ELMO1: variants seen among roughly 807,000 people sequenced by gnomAD.
ELMO1 encodes engulfment and cell motility protein 1.
In ELMO1, 26 loss-of-function variants were observed where a neutral mutation model predicts 98.9. The ratio of observed to expected loss-of-function variants is 0.26; its 90% confidence interval spans 0.19 to 0.36. The LOEUF is 0.36. Ranked by LOEUF, ELMO1 falls within the 10% of genes least tolerant of loss-of-function variation. The pLI is 1.00. For synonymous variants in ELMO1, 346 were observed against 346.0 expected (o/e 1.00, Z 0.00); for missense variants, 627 against 935.2 (o/e 0.67, Z 4.30).
chr7:37,167,029 G>C (rs916397736), intron 13 of ELMO1, among the ~76,000 whole-genome samples: 2 of 151,982 alleles, frequency 1.3e-5, no homozygotes, highest in African/African-American at 4.8e-5. Context: ...CTCCTGTATT[G>C]GGTGCATATA....
In ELMO1 at chr7:37,342,871, C is replaced by A; in HGVS notation, c.-73-108G>T. 1.7e-6 allele frequency: 1 copy of A among 573,724 alleles called. No homozygotes were observed. The allele number at this position is 573,724 out of a possible 1,614,324, so 35.5% of individuals were successfully genotyped here. A position where few individuals can be genotyped will look rare whatever the true frequency, so the allele number is the denominator to read the frequency against. Reference sequence around the variant, plus strand: ...ACTGGTGGTTTGGTATGAAAAACGGCTCCCCTTGGTGCCTGGGTGCTGAAG... The same window carrying A: ...ACTGGTGGTTTGGTATGAAAAACGGATCCCCTTGGTGCCTGGGTGCTGAAG... On this transcript the variant is annotated intron_variant, in intron 1 of 21. Coordinates refer to ENST00000310758, the MANE Select transcript of ELMO1 (RefSeq NM_014800.11). This position sits in a 1 kb window ranked among gnomAD's most constrained non-coding sequence, Gnocchi z 4.3.
intron 14 of ELMO1, among the ~76,000 whole-genome samples, chr7:37,119,839 A>C (rs1383481866): frequency 6.6e-6 from 1 of 152,214 alleles, no homozygotes; most frequent in Non-Finnish European, 1.5e-5. Context: ...TATCTTCTAT[A>C]ACAGTCAGCC....
At chr7:37,384,063 C>A (rs1026238560) in intron 1 of ELMO1, among the ~76,000 whole-genome samples, 1 of 152,176 alleles carries the variant, frequency 6.6e-6, no homozygotes, top group Non-Finnish European at 1.5e-5. Context: ...GATCCACCCA[C>A]CTCGGCCTCC....
intron 1 of ELMO1, among the ~76,000 whole-genome samples, chr7:37,346,802 T>C (rs1186786688): frequency 6.6e-6 from 1 of 152,152 alleles, no homozygotes; most frequent in Non-Finnish European, 1.5e-5. Context: ...TGTCTAGAAT[T>C]ACAGCAAAAA....
chr7:37,442,119 T>A (rs1286643108), intron 1 of ELMO1, among the ~76,000 whole-genome samples: 1 of 152,176 alleles, frequency 6.6e-6, no homozygotes, highest in African/African-American at 2.4e-5. Flanking sequence ...ACTAATGTAC[T>A]GGCATTAGTG....
intron 5 of ELMO1, among the ~76,000 whole-genome samples, chr7:37,264,786 C>G (rs1310906983): frequency 6.6e-6 from 1 of 152,142 alleles, no homozygotes; most frequent in African/African-American, 2.4e-5. Context: ...GCCGTGGGCA[C>G]AGGAAAGGGT....
chr7:36,999,455 T>G (rs1266800951), intron 16 of ELMO1, among the ~76,000 whole-genome samples: 1 of 152,190 alleles, frequency 6.6e-6, no homozygotes, highest in Non-Finnish European at 1.5e-5. Flanking sequence ...GCAATTAACC[T>G]GCTCAAGCTC....
intron 16 of ELMO1, among the ~76,000 whole-genome samples, chr7:36,927,289 AC>A (rs1475556656): frequency 6.6e-6 from 1 of 152,234 alleles, no homozygotes; most frequent in East Asian, 1.9e-4. Context: ...AGTTTAATGA[AC>A]AAGGAAGAAT....
chr7:36,923,672 C>T (rs1456079049), intron 16 of ELMO1, among the ~76,000 whole-genome samples: 2 of 152,140 alleles, frequency 1.3e-5, no homozygotes, highest in African/African-American at 4.8e-5. Flanking sequence ...TTAATCCATT[C>T]AATTTCATTC....
At chr7:37,036,299 G>C (rs1305403326) in intron 15 of ELMO1, among the ~76,000 whole-genome samples, 1 of 152,000 alleles carries the variant, frequency 6.6e-6, no homozygotes, top group Non-Finnish European at 1.5e-5. Context: ...GGCAGCCCTA[G>C]CAAACTCATG....
At chr7:37,236,127 C>G (rs1794447143) in intron 7 of ELMO1, among the ~76,000 whole-genome samples, 1 of 152,116 alleles carries the variant, frequency 6.6e-6, no homozygotes, top group South Asian at 2.1e-4. Flanking sequence ...CAATAGAGCC[C>G]TAATCCAAAT....
At chr7:37,239,928 C>A (rs972258771) in intron 7 of ELMO1, among the ~76,000 whole-genome samples, 8 of 152,208 alleles carry the variant, frequency 5.3e-5, no homozygotes, top group Admixed American at 2.0e-4. Flanking sequence ...GGCTGACTAG[C>A]AAGTTCTTCC....
In ELMO1 at chr7:37,345,987, T is replaced by TA. The variant is rs554672695; in HGVS notation, c.-73-3225dup. Among the ~76,000 whole-genome samples, 412 of 114,448 alleles carry TA rather than the reference T, an allele frequency of 3.6e-3. 1 individual carries two copies. Among genetic ancestry groups the TA allele is most frequent in the East Asian group, 0.011 (46 of 4,118 alleles). The allele number at this position is 114,448 out of a possible 152,430, so 75.1% of individuals were successfully genotyped here. The stretch of plus-strand genomic sequence containing the variant: ...CTGGGCAACAGAGCAAGACTCCATC[T>TA]AAAAAAAAAAAAAAAAAAAGACATC... On this transcript the variant is annotated intron_variant, in intron 1 of 21. Transcript: ENST00000310758.
At chr7:37,438,209 C>T (rs1477184654) in intron 1 of ELMO1, among the ~76,000 whole-genome samples, 2 of 152,006 alleles carry the variant, frequency 1.3e-5, no homozygotes, top group Admixed American at 6.5e-5. Flanking sequence ...GAGCAGTTAC[C>T]TAGGTCACTT....
At chr7:37,174,503 T>A (rs1051090578) in intron 13 of ELMO1, among the ~76,000 whole-genome samples, 1 of 152,174 alleles carries the variant, frequency 6.6e-6, no homozygotes, top group African/African-American at 2.4e-5. Context: ...CCTGGACACA[T>A]CAGCATGAAG....
intron 14 of ELMO1, among the ~76,000 whole-genome samples, chr7:37,114,494 T>A (rs1563010203): frequency 1.3e-5 from 2 of 152,184 alleles, no homozygotes. Flanking sequence ...CCAGAGACTT[T>A]AGTCACTGGG....
intron 1 of ELMO1, among the ~76,000 whole-genome samples, chr7:37,396,109 T>C (rs1472473349): frequency 6.6e-6 from 1 of 151,920 alleles, no homozygotes; most frequent in Non-Finnish European, 1.5e-5. Flanking sequence ...TGGACCTTGA[T>C]TCAGATAAAC....
At chr7:37,249,347 G>A (rs1795192730) in intron 6 of ELMO1, among the ~76,000 whole-genome samples, 1 of 152,194 alleles carries the variant, frequency 6.6e-6, no homozygotes, top group Admixed American at 6.5e-5. Context: ...TCATATGTAT[G>A]ACAGAGTGGG....
chr7:37,369,249 G>A (rs1791094762), intron 1 of ELMO1, among the ~76,000 whole-genome samples: 1 of 152,122 alleles, frequency 6.6e-6, no homozygotes, highest in Non-Finnish European at 1.5e-5. Flanking sequence ...TCCCTCATCT[G>A]AAATACTTGG....
Sources: allele counts gnomAD v4.1 joint callset (sites outside exome capture counted in the v4.1 genomes callset), GRCh38; gene constraint gnomAD v4.1.1; non-coding constraint Gnocchi (gnomAD v3.1); transcripts MANE v1.5; gene names NCBI Gene and HGNC (gene_info 2026-07-23, HGNC 2026-07-21).